NECTIN1: variants seen among roughly 807,000 people sequenced by gnomAD.
NECTIN1 encodes nectin cell adhesion molecule 1, also known as nectin-1.
In NECTIN1, 23 loss-of-function variants were observed where a neutral mutation model predicts 48.0. The ratio of observed to expected loss-of-function variants is 0.48; its 90% confidence interval spans 0.34 to 0.68. The LOEUF is 0.68. NECTIN1 is among the 30% of genes least tolerant of loss of function. The probability of loss-of-function intolerance (pLI) is 0.01; values close to 1 mark genes in which losing one functional copy is unlikely to be tolerated. For synonymous variants in NECTIN1, 270 were observed against 288.9 expected, an observed-to-expected ratio of 0.93 and a Z score of 0.66; for missense variants, 591 against 709.9, an observed-to-expected ratio of 0.83 and a Z score of 1.90.
At position 119,678,808 on chromosome 11, in the gene NECTIN1, C is replaced by T; in HGVS notation, c.80-43G>A. 7.4e-7 allele frequency: 1 copy of T among 1,352,120 alleles called. No homozygotes were observed. The highest frequency in any genetic ancestry group is 1.2e-5 in the South Asian group (1 of 81,224). 83.8% of individuals were successfully genotyped at this position (1,352,120 alleles called of 1,614,324 possible). Reference sequence around the variant, plus strand: ...AGCAAGTGGTCAGTGTCAGGCACAGCCTCCCCCCACCCACACAGTTCCCTG... The same window carrying T: ...AGCAAGTGGTCAGTGTCAGGCACAGTCTCCCCCCACCCACACAGTTCCCTG... On this transcript the variant is annotated intron_variant, in intron 1 of 5. Transcript: ENST00000264025. This position sits in a 1 kb window ranked among gnomAD's most constrained non-coding sequence, Gnocchi z 4.4.
rs1212359558 is a variant in NECTIN1, at chr11:119,709,610, G to A, written c.79+18865C>T. 6.6e-6 allele frequency among the ~76,000 whole-genome samples: 1 copy of A among 152,166 alleles called. No homozygotes were observed. The highest frequency in any genetic ancestry group is 1.5e-5 in the Non-Finnish European group (1 of 68,016). Reference sequence around the variant, plus strand: ...GCTCTTGAATGGAAGCAGGGAGGGAGGGGAGCCCCGTGTGGGAAGCCTGAA... The same window carrying A: ...GCTCTTGAATGGAAGCAGGGAGGGAAGGGAGCCCCGTGTGGGAAGCCTGAA... On this transcript the variant is annotated intron_variant, in intron 1 of 5. Transcript: ENST00000264025. The surrounding 1 kb of genome is among the most constrained non-coding windows in gnomAD (Gnocchi z 4.1).
At chr11:119,653,440 C>T (rs749687323) in intron 5 of NECTIN1, among the ~76,000 whole-genome samples, 13 of 152,178 alleles carry the variant, frequency 8.5e-5, no homozygotes, top group Non-Finnish European at 1.8e-4. Context: ...GGAGGGTGGC[C>T]CGGCGCGGGG....
At chr11:119,697,120 C>T (rs761243871) in intron 1 of NECTIN1, among the ~76,000 whole-genome samples, 4 of 151,816 alleles carry the variant, frequency 2.6e-5, no homozygotes, top group African/African-American at 7.3e-5. Flanking sequence ...ATGTGGGGGG[C>T]GGGGAGGTCG....
intron 6 of NECTIN1, chr11:119,638,851 G>T: frequency 1.3e-6 from 2 of 1,542,214 alleles, no homozygotes; most frequent in Non-Finnish European, 1.8e-6. Context: ...GCACACATGG[G>T]GGCTCTCCCC....
chr11:119,703,913 A>G (rs984436375), intron 1 of NECTIN1, among the ~76,000 whole-genome samples: 34 of 152,330 alleles, frequency 2.2e-4, no homozygotes, highest in Non-Finnish European at 1.8e-4. Flanking sequence ...ACTGGCACAC[A>G]GGTGCTCAGG....
At chr11:119,687,538 A>G (rs1050289584) in intron 1 of NECTIN1, among the ~76,000 whole-genome samples, 3 of 152,036 alleles carry the variant, frequency 2.0e-5, no homozygotes, top group Non-Finnish European at 4.4e-5. Flanking sequence ...ACTGTCTTGT[A>G]GCAGACACGG....
chr11:119,655,735 C>T (rs1032199288), intron 5 of NECTIN1, among the ~76,000 whole-genome samples: 4 of 152,010 alleles, frequency 2.6e-5, no homozygotes, highest in South Asian at 2.1e-4. Flanking sequence ...GTGGGTGAAG[C>T]GTAGGGGAGG....
chr11:119,698,005 A>G (rs4936494), intron 1 of NECTIN1, among the ~76,000 whole-genome samples: 92,059 of 151,698 alleles, frequency 0.61, 28,218 homozygotes, highest in South Asian at 0.67. Context: ...GAAAGAGCAA[A>G]AACCGGGGTT....
At position 119,675,188 on chromosome 11, in the gene NECTIN1, C is replaced by T. The variant is rs777589516; in HGVS notation, c.974G>A (p.Arg325His). Residue 325 changes from arginine to histidine, a missense_variant, in exon 5 of 6, where the codon CGC becomes CAC. Arg to His is a conservative substitution (Grantham distance 29, BLOSUM62 0). Transcript: ENST00000264025. The part of the protein sequence containing the change: ...ICEATNPIGT[R>H]SGQVEVNITE... Reference sequence around the variant, plus strand: ...GATATTGACCTCCACCTGGCCTGAGCGTGTACCGATGGGGTTGGTGGCCTC... The same window carrying T: ...GATATTGACCTCCACCTGGCCTGAGTGTGTACCGATGGGGTTGGTGGCCTC... The T allele has an allele frequency of 1.3e-5, 21 of 1,614,008 alleles. No homozygotes were observed. Among genetic ancestry groups the T allele is most frequent in the Non-Finnish European group, 1.5e-5 (18 of 1,180,030 alleles).
At chr11:119,650,952 C>T (rs143028555) in intron 5 of NECTIN1, among the ~76,000 whole-genome samples, 3 of 152,164 alleles carry the variant, frequency 2.0e-5, no homozygotes, top group African/African-American at 7.2e-5. Context: ...TGTTGTTAGG[C>T]TCCTGGGACT....
intron 5 of NECTIN1, among the ~76,000 whole-genome samples, chr11:119,643,834 G>A (rs1864359208): frequency 6.6e-6 from 1 of 152,242 alleles, no homozygotes; most frequent in Admixed American, 6.5e-5. Context: ...GGGGGGTGGG[G>A]GTGGGGCCTC....
At chr11:119,699,844 G>A (rs1016425125) in intron 1 of NECTIN1, among the ~76,000 whole-genome samples, 7 of 152,156 alleles carry the variant, frequency 4.6e-5, no homozygotes, top group South Asian at 2.1e-4. Context: ...AGTGTAGTGT[G>A]TACCCCACCA....
At chr11:119,703,776 C>T (rs550325676) in intron 1 of NECTIN1, among the ~76,000 whole-genome samples, 64 of 152,366 alleles carry the variant, frequency 4.2e-4, no homozygotes, top group African/African-American at 1.3e-3. Flanking sequence ...GCCACCCACA[C>T]TCTTCATGAG....
intron 1 of NECTIN1, among the ~76,000 whole-genome samples, chr11:119,704,944 G>A (rs1201728860): frequency 1.3e-5 from 2 of 152,224 alleles, no homozygotes; most frequent in African/African-American, 4.8e-5. Context: ...AAGTAAATTA[G>A]TCATTAACCT....
At chr11:119,682,441 G>A (rs570084027) in intron 1 of NECTIN1, among the ~76,000 whole-genome samples, 1 of 152,318 alleles carries the variant, frequency 6.6e-6, no homozygotes, top group Non-Finnish European at 1.5e-5. Flanking sequence ...TGAAAGCTGA[G>A]CTAGCGTCTC....
At chr11:119,660,055 C>T (rs998338714), downstream of NECTIN1, among the ~76,000 whole-genome samples, 7 of 152,198 alleles carry the variant, frequency 4.6e-5, no homozygotes, top group Admixed American at 3.3e-4. Flanking sequence ...TACTTCTGCC[C>T]GTCCAGCCCC....
At chr11:119,704,463 C>T (rs1361650066) in intron 1 of NECTIN1, among the ~76,000 whole-genome samples, 1 of 152,114 alleles carries the variant, frequency 6.6e-6, no homozygotes, top group Non-Finnish European at 1.5e-5. Flanking sequence ...GTGATCCACC[C>T]GCCTCGGCCT....
chr11:119,652,112 G>GA (rs1370350711), intron 5 of NECTIN1, among the ~76,000 whole-genome samples: 1 of 152,146 alleles, frequency 6.6e-6, no homozygotes, highest in African/African-American at 2.4e-5. Flanking sequence ...AGTCAACAGG[G>GA]AAAATCCCAT....
chr11:119,706,601 A>G (rs1403841752), intron 1 of NECTIN1, among the ~76,000 whole-genome samples: 2 of 152,190 alleles, frequency 1.3e-5, no homozygotes, highest in Non-Finnish European at 2.9e-5. Flanking sequence ...TTTCAAGTCG[A>G]TTTCAAATAA....
Sources: gnomAD v4.1 joint callset for allele counts (sites outside exome capture counted in the v4.1 genomes callset) on GRCh38, gnomAD v4.1.1 for gene constraint, Gnocchi (gnomAD v3.1) non-coding constraint, MANE v1.5 for transcripts, NCBI Gene and HGNC (gene_info 2026-07-23, HGNC 2026-07-21) for gene names.